The following NELL1 variants were observed in gnomAD, a reference collection of about 807,000 sequenced individuals.
NELL1 encodes the protein protein kinase C-binding protein NELL1.
Under a neutral mutation model 107.4 loss-of-function variants are expected in NELL1, and 76 were observed. That is an observed-to-expected ratio of 0.71 (90% CI 0.59 to 0.86). The LOEUF is 0.86. NELL1 is among the 40% of genes least tolerant of loss of function. The probability of loss-of-function intolerance (pLI) is 0.00; values close to 1 mark genes in which losing one functional copy is unlikely to be tolerated. For synonymous variants in NELL1, 353 were observed against 341.2 expected (o/e 1.03, Z -0.38); for missense variants, 1,024 against 1,005.5 (o/e 1.02, Z -0.25).
chr11:21,263,087 T>TGAACATG (rs1848565419), intron 14 of NELL1, among the ~76,000 whole-genome samples: 1 of 151,902 alleles, frequency 6.6e-6, no homozygotes, highest in Admixed American at 6.6e-5. Flanking sequence ...CTCTGTTTCA[T>TGAACATG]GAACATGGTG....
chr11:21,334,518 T>C (rs185623875), intron 14 of NELL1, among the ~76,000 whole-genome samples: 13 of 152,096 alleles, frequency 8.5e-5, no homozygotes, highest in Admixed American at 7.9e-4. Flanking sequence ...GTGGTCACTA[T>C]TCTCCTAAAG....
At chr11:20,717,380 C>T (rs1855277515) in intron 2 of NELL1, among the ~76,000 whole-genome samples, 1 of 152,146 alleles carries the variant, frequency 6.6e-6, no homozygotes, top group Non-Finnish European at 1.5e-5. Context: ...CTGAATACTC[C>T]AAGATTTTCC....
chr11:21,093,290 C>T (rs893090720), intron 12 of NELL1, among the ~76,000 whole-genome samples: 7 of 152,118 alleles, frequency 4.6e-5, no homozygotes, highest in African/African-American at 1.7e-4. Context: ...ATTCTGGTAA[C>T]CCACAAAGTC....
chr11:20,762,225 G>C (rs1856436530), intron 2 of NELL1, among the ~76,000 whole-genome samples: 1 of 152,218 alleles, frequency 6.6e-6, no homozygotes, highest in African/African-American at 2.4e-5. Flanking sequence ...CAGGTGTTGT[G>C]CTGAAGGCAG....
At position 21,523,993 on chromosome 11, in the gene NELL1, A is replaced by G. The variant is rs550974355; in HGVS notation, c.1646-10381A>G. ...GACAACAAATTAAATCCCTGCTACTATACCTTGGTTGGTAGCAGAAATCTG... is the reference window on the plus strand; with the variant it reads ...GACAACAAATTAAATCCCTGCTACTGTACCTTGGTTGGTAGCAGAAATCTG... On this transcript the variant is annotated intron_variant, in intron 15 of 19. Transcript: ENST00000357134. 1.5e-4 allele frequency among the ~76,000 whole-genome samples: 23 copies of G among 152,240 alleles called. No individual in the cohort carries two copies. The South Asian group carries it at 4.4e-3, about 29-fold the overall frequency.
chr11:21,271,245 G>A (rs1330298883), intron 14 of NELL1, among the ~76,000 whole-genome samples: 1 of 152,078 alleles, frequency 6.6e-6, no homozygotes, highest in Admixed American at 6.5e-5. Context: ...TGAACCTCCA[G>A]TCAGGCTAAG....
chr11:21,319,620 G>A (rs780989693), intron 14 of NELL1, among the ~76,000 whole-genome samples: 4 of 151,480 alleles, frequency 2.6e-5, no homozygotes, highest in African/African-American at 7.3e-5. Context: ...GGGATTACAA[G>A]CGTGTGTCAC....
chr11:20,792,631 C>T (rs1007401220), intron 3 of NELL1, among the ~76,000 whole-genome samples: 2 of 151,594 alleles, frequency 1.3e-5, no homozygotes, highest in African/African-American at 4.8e-5. Context: ...TGTGTCTGCC[C>T]CCTTTTATCT....
chr11:21,242,345 T>G (rs1858385726), intron 14 of NELL1, among the ~76,000 whole-genome samples: 1 of 152,076 alleles, frequency 6.6e-6, no homozygotes, highest in South Asian at 2.1e-4. Flanking sequence ...GGGAAAAGAA[T>G]AAAAGGTCAA....
intron 14 of NELL1, among the ~76,000 whole-genome samples, chr11:21,258,181 C>T (rs1858817701): frequency 6.6e-6 from 1 of 152,030 alleles, no homozygotes; most frequent in Admixed American, 6.6e-5. Flanking sequence ...TGTTATGTGA[C>T]TTGCTGAAGG....
At chr11:20,969,735 C>A (rs116711787) in intron 12 of NELL1, among the ~76,000 whole-genome samples, 24 of 151,844 alleles carry the variant, frequency 1.6e-4, no homozygotes, top group African/African-American at 5.8e-4. Flanking sequence ...CATTTAGCAG[C>A]CGGGTAACAT....
intron 2 of NELL1, among the ~76,000 whole-genome samples, chr11:20,717,384 A>G (rs1855277721): frequency 6.6e-6 from 1 of 152,026 alleles, no homozygotes; most frequent in Non-Finnish European, 1.5e-5. Context: ...ATACTCCAAG[A>G]TTTTCCCTGA....
chr11:21,105,476 A>C (rs889974804), intron 12 of NELL1, among the ~76,000 whole-genome samples: 9 of 152,116 alleles, frequency 5.9e-5, no homozygotes, highest in Non-Finnish European at 1.0e-4. Context: ...GGCCATTGCC[A>C]TGTTGCCTGC....
chr11:20,967,131 T>A (rs1053593670), intron 12 of NELL1, among the ~76,000 whole-genome samples: 6 of 152,162 alleles, frequency 3.9e-5, no homozygotes, highest in Non-Finnish European at 8.8e-5. Flanking sequence ...GTTATTTCTT[T>A]GTGACAGAAG....
chr11:21,450,833 G>A (rs1853558408), intron 15 of NELL1, among the ~76,000 whole-genome samples: 1 of 151,734 alleles, frequency 6.6e-6, no homozygotes, highest in Non-Finnish European at 1.5e-5. Context: ...TTTTTAATGA[G>A]TATATATTGC....
intron 13 of NELL1, among the ~76,000 whole-genome samples, chr11:21,179,597 T>C (rs189943211): frequency 1.3e-5 from 2 of 151,996 alleles, no homozygotes; most frequent in East Asian, 3.9e-4. Context: ...ATGTCAAATC[T>C]ATTAACATCT....
chr11:21,212,151 C>A (rs900243970), intron 13 of NELL1, among the ~76,000 whole-genome samples: 5 of 152,018 alleles, frequency 3.3e-5, no homozygotes, highest in African/African-American at 1.2e-4. Context: ...ATAGTGGCTA[C>A]CCTGGTTTGA....
At chr11:20,762,899 G>A (rs994467403) in intron 2 of NELL1, among the ~76,000 whole-genome samples, 28 of 152,154 alleles carry the variant, frequency 1.8e-4, no homozygotes, top group African/African-American at 6.3e-4. Context: ...ACCTACAGAT[G>A]TTGTGGGACA....
At chr11:20,755,129 G>C (rs1254185537) in intron 2 of NELL1, among the ~76,000 whole-genome samples, 1 of 152,110 alleles carries the variant, frequency 6.6e-6, no homozygotes. Flanking sequence ...AAGAAGCTGT[G>C]GTACCCGGCA....
Sources: gnomAD v4.1 joint callset for allele counts (sites outside exome capture counted in the v4.1 genomes callset) on GRCh38, gnomAD v4.1.1 for gene constraint, MANE v1.5 for transcripts, NCBI Gene and HGNC (gene_info 2026-07-23, HGNC 2026-07-21) for gene names.